Variants in FGGY observed in about 807,000 individuals in gnomAD.
The protein encoded by FGGY is FGGY carbohydrate kinase domain containing.
A neutral mutation model predicts 71.3 loss-of-function variants in FGGY; 72 were observed. The ratio of observed to expected loss-of-function variants is 1.01; its 90% CI spans 0.84 to 1.23. The LOEUF is 1.23. FGGY is among the 50% of genes most tolerant of loss of function. The pLI, the probability that FGGY is intolerant of heterozygous loss-of-function variation, is 0.00. For synonymous variants in FGGY, 251 were observed against 250.3 expected, an observed-to-expected ratio of 1.00 and a Z score of -0.02; for missense variants, 668 against 682.3, an observed-to-expected ratio of 0.98 and a Z score of 0.23.
intron 9 of FGGY, among the ~76,000 whole-genome samples, chr1:59,612,092 AC>A (rs2096688787): frequency 6.6e-6 from 1 of 152,244 alleles, no homozygotes; most frequent in Non-Finnish European, 1.5e-5. Flanking sequence ...ATTATCCAGA[AC>A]TTCCCCAACC....
chr1:59,516,269 A>G (rs1345560982), intron 7 of FGGY, among the ~76,000 whole-genome samples: 1 of 152,230 alleles, frequency 6.6e-6, no homozygotes. Context: ...AAGGTTGTCC[A>G]TGGGTCCAAC....
intron 1 of FGGY, among the ~76,000 whole-genome samples, chr1:59,306,874 G>C (rs2043511888): frequency 6.6e-6 from 1 of 152,224 alleles, no homozygotes; most frequent in South Asian, 2.1e-4. Flanking sequence ...ATTTGGGGCT[G>C]AGCTACACTG....
At chr1:59,697,210 A>G (rs1038350817) in intron 14 of FGGY, among the ~76,000 whole-genome samples, 1 of 152,180 alleles carries the variant, frequency 6.6e-6, no homozygotes, top group Non-Finnish European at 1.5e-5. Context: ...CATAAAATTT[A>G]TCATCTTAAC....
At chr1:59,554,101 G>T (rs1309693731) in intron 7 of FGGY, 23 bp from the exon 8 acceptor site, 2 of 1,555,364 alleles carry the variant, frequency 1.3e-6, no homozygotes, top group African/African-American at 1.4e-5. Context: ...AAGAGGATTT[G>T]TTTTTGTTTT....
At chr1:59,611,579 A>T (rs2096679872) in intron 9 of FGGY, among the ~76,000 whole-genome samples, 1 of 152,218 alleles carries the variant, frequency 6.6e-6, no homozygotes. Flanking sequence ...GAAAATTCTA[A>T]AAATCAGAGT....
intron 7 of FGGY, among the ~76,000 whole-genome samples, chr1:59,536,091 G>C (rs75435256): frequency 0.19 from 28,590 of 149,270 alleles, 3,707 homozygotes; most frequent in African/African-American, 0.36. Flanking sequence ...TCTAGCAAGA[G>C]TAATAAGGAA....
intron 7 of FGGY, among the ~76,000 whole-genome samples, chr1:59,517,235 C>CCTTCTCT (rs987022135): frequency 1.3e-5 from 2 of 150,736 alleles, no homozygotes; most frequent in Admixed American, 6.6e-5. Flanking sequence ...TGTCTCAGGC[C>CCTTCTCT]CTTCTCTTCT....
chr1:59,436,857 G>A (rs1049689490), intron 5 of FGGY, among the ~76,000 whole-genome samples: 6 of 152,238 alleles, frequency 3.9e-5, no homozygotes, highest in Admixed American at 3.3e-4. Context: ...GTAGCTCTTC[G>A]GGGGTGATCT....
At chr1:59,365,607 G>A (rs190873453) in intron 4 of FGGY, among the ~76,000 whole-genome samples, 4 of 152,300 alleles carry the variant, frequency 2.6e-5, no homozygotes, top group East Asian at 1.9e-4. Context: ...GGGCATTAGC[G>A]ATGCAAAATT....
Position 59,762,571 on chromosome 1 carries a change from T to A in FGGY, c.1643T>A (p.Met548Lys). The A allele has an allele frequency of 6.2e-7, 1 of 1,613,802 alleles. No homozygotes were observed. The highest frequency in any genetic ancestry group is 8.5e-7 in the Non-Finnish European group (1 of 1,179,780). ...CACCAGAAGGAGTATTTGGCGATCA[T>A]GAATGATGACTGAACAGGGCTTGCA... ...VEHQKEYLAI[M>K]NDD Residue 548 changes from methionine to lysine, a missense_variant, in exon 16 of 16, where the codon ATG (methionine) becomes AAG (lysine). Transcript: ENST00000303721.
intron 4 of FGGY, among the ~76,000 whole-genome samples, chr1:59,369,617 G>A (rs2057223731): frequency 6.6e-6 from 1 of 152,180 alleles, no homozygotes; most frequent in African/African-American, 2.4e-5. Flanking sequence ...TCCTCAAGTG[G>A]GTCCCTGACC....
intron 14 of FGGY, among the ~76,000 whole-genome samples, chr1:59,719,431 G>C (rs1468236378): frequency 6.6e-6 from 1 of 152,104 alleles, no homozygotes; most frequent in African/African-American, 2.4e-5. Flanking sequence ...GTAAAATGGA[G>C]CTAAAAAAGG....
chr1:59,502,156 G>A (rs1229648279), intron 6 of FGGY, among the ~76,000 whole-genome samples: 1 of 152,184 alleles, frequency 6.6e-6, no homozygotes, highest in Admixed American at 6.5e-5. Flanking sequence ...GAGTGATAAA[G>A]CCACCACCAT....
At chr1:59,694,329 A>AAATC (rs1478992804) in intron 14 of FGGY, among the ~76,000 whole-genome samples, 9 of 148,940 alleles carry the variant, frequency 6.0e-5, no homozygotes, top group Admixed American at 6.0e-4. Context: ...ATAAATAAAT[A>AAATC]AATAAAATAC....
At chr1:59,638,096 G>T in intron 10 of FGGY, 132 bp from the exon 11 acceptor site, 2 of 823,602 alleles carry the variant, frequency 2.4e-6, no homozygotes, top group Non-Finnish European at 3.8e-6. Context: ...AGTACAGTGG[G>T]CTAGCTTCTC....
In FGGY at chr1:59,346,129, T is replaced by A. The variant is rs2051831477; in HGVS notation, c.314-118T>A. On this transcript the variant is annotated intron_variant, in intron 3 of 15. Coordinates refer to ENST00000303721, the MANE Select transcript of FGGY (RefSeq NM_018291.5). ...GGTGTCCTTTCATTTTGCACACTCT[T>A]GATACATAAAATTATAGAAAGTACA... The A allele has an allele frequency of 8.3e-6, 11 of 1,329,454 alleles. No individual in the cohort carries two copies. The East Asian group carries it at 2.7e-4, about 33-fold the overall frequency. The allele number at this position is 1,329,454 out of a possible 1,614,324, so 82.4% of individuals were successfully genotyped here. A position where few individuals can be genotyped will look rare whatever the true frequency, so the allele number is the denominator to read the frequency against.
intron 7 of FGGY, among the ~76,000 whole-genome samples, chr1:59,546,519 TGATGATGATGATGATG>T (rs2095525000): frequency 6.9e-6 from 1 of 145,946 alleles, no homozygotes; most frequent in South Asian, 2.2e-4. Flanking sequence ...ATGATGATGA[TGATGATGATGATGATG>T]ATTATTATTA....
chr1:59,672,776 GAGT>G (rs1297777581), intron 13 of FGGY, among the ~76,000 whole-genome samples: 1 of 152,178 alleles, frequency 6.6e-6, no homozygotes, highest in Non-Finnish European at 1.5e-5. Flanking sequence ...CTTATGGCTT[GAGT>G]AGAAGACAGT....
intron 14 of FGGY, among the ~76,000 whole-genome samples, chr1:59,715,855 T>A (rs2097842433): frequency 6.6e-6 from 1 of 152,210 alleles, no homozygotes. Flanking sequence ...GGCCAAATTT[T>A]GCCTACTGAC....
Sources: gnomAD v4.1 joint callset for allele counts (sites outside exome capture counted in the v4.1 genomes callset) on GRCh38, gnomAD v4.1.1 for gene constraint, MANE v1.5 for transcripts, NCBI Gene and HGNC (gene_info 2026-07-23, HGNC 2026-07-21) for gene names.